GFRA1: variants seen among roughly 807,000 people sequenced by gnomAD.
GFRA1 encodes the protein GDNF family receptor alpha-1.
GFRA1 carries 16 observed loss-of-function variants against 51.6 expected under a neutral mutation model. That is an observed-to-expected ratio of 0.31 (90% CI 0.21 to 0.47). The LOEUF is 0.47. Among genes scored for constraint, GFRA1 ranks in the 20% least tolerant of loss-of-function variants. The pLI, the probability that GFRA1 is intolerant of heterozygous loss-of-function variation, is 1.00. For missense variants in GFRA1, 530 were observed against 594.3 expected, an observed-to-expected ratio of 0.89 and a Z score of 1.13; for synonymous variants, 270 against 241.3, an observed-to-expected ratio of 1.12 and a Z score of -1.10.
chr10:116,165,924 T>A (rs1960349878), intron 5 of GFRA1, among the ~76,000 whole-genome samples: 1 of 152,204 alleles, frequency 6.6e-6, no homozygotes, highest in Non-Finnish European at 1.5e-5. Context: ...CATTGGTTAT[T>A]TTTTCTGATC....
chr10:116,100,528 T>C (rs1956778224), intron 6 of GFRA1, among the ~76,000 whole-genome samples: 1 of 152,082 alleles, frequency 6.6e-6, no homozygotes, highest in Non-Finnish European at 1.5e-5. Flanking sequence ...AAATGAGTAG[T>C]GATGGGAAAA....
intron 6 of GFRA1, among the ~76,000 whole-genome samples, chr10:116,117,195 G>C (rs1957445009): frequency 6.6e-6 from 1 of 152,176 alleles, no homozygotes; most frequent in African/African-American, 2.4e-5. Context: ...CCTCAGCAGT[G>C]ATCATCATCA....
chr10:116,113,957 T>C (rs531807873), intron 6 of GFRA1, among the ~76,000 whole-genome samples: 4 of 152,254 alleles, frequency 2.6e-5, no homozygotes, highest in Non-Finnish European at 5.9e-5. Flanking sequence ...CCTACAACCA[T>C]GTCCCCGGCT....
chr10:116,255,518 A>C (rs1042268709), intron 4 of GFRA1: 112 of 1,033,318 alleles, frequency 1.1e-4, no homozygotes, highest in East Asian at 1.4e-4. Context: ...AAAAAAAAAA[A>C]CACTAGGTTT....
At chr10:116,120,925 G>A (rs996899190) in intron 6 of GFRA1, among the ~76,000 whole-genome samples, 1 of 152,214 alleles carries the variant, frequency 6.6e-6, no homozygotes, top group Non-Finnish European at 1.5e-5. Flanking sequence ...AAAGCTACCG[G>A]CAAGCGGGCG....
intron 5 of GFRA1, among the ~76,000 whole-genome samples, chr10:116,144,801 G>C (rs57092516): frequency 0.014 from 2,078 of 152,144 alleles, 40 homozygotes; most frequent in African/African-American, 0.048. Context: ...TTTTAAACAA[G>C]ACATATAATA....
chr10:116,081,650 G>A (rs148409146), intron 9 of GFRA1, among the ~76,000 whole-genome samples: 160 of 152,226 alleles, frequency 1.1e-3, no homozygotes, highest in Non-Finnish European at 2.0e-3. Context: ...GAGGCACTGC[G>A]TATGCATTTG....
chr10:116,090,280 G>A (rs1956277520), intron 8 of GFRA1, among the ~76,000 whole-genome samples: 1 of 151,794 alleles, frequency 6.6e-6, no homozygotes, highest in Non-Finnish European at 1.5e-5. Flanking sequence ...GATCATAACT[G>A]TCCCATTTTC....
intron 5 of GFRA1, among the ~76,000 whole-genome samples, chr10:116,195,878 T>A (rs1963698666): frequency 6.6e-6 from 1 of 152,108 alleles, no homozygotes; most frequent in African/African-American, 2.4e-5. Context: ...TGATTTGGGG[T>A]GGGTTACTAA....
chr10:116,149,747 T>G (rs1958987600), intron 5 of GFRA1, among the ~76,000 whole-genome samples: 1 of 152,186 alleles, frequency 6.6e-6, no homozygotes. Flanking sequence ...ACATTTTAGT[T>G]ATATAAAAAC....
chr10:116,220,094 T>C (rs1965824019), intron 4 of GFRA1, among the ~76,000 whole-genome samples: 1 of 152,196 alleles, frequency 6.6e-6, no homozygotes, highest in Admixed American at 6.5e-5. Context: ...GCATGCTAAA[T>C]TACATTCACA....
intron 4 of GFRA1, chr10:116,255,676 TC>T: frequency 7.8e-7 from 1 of 1,289,010 alleles, no homozygotes. Flanking sequence ...GTCTCTGCCA[TC>T]CCCTTCCAGA....
rs143717098 is a variant in GFRA1 at position 116,167,285 on chromosome 10, A to G, written c.434-41728T>C. The stretch of plus-strand genomic sequence containing the variant: ...ATTCAAACTTATCCTCCCATCGCCA[A>G]TGATTTAAATCCCACCCAGCATTGC... On this transcript the variant is annotated intron_variant, in intron 5 of 10. Transcript: ENST00000355422. 4.9e-3 allele frequency among the ~76,000 whole-genome samples: 739 copies of G among 152,228 alleles called. 3 individuals carry two copies. The highest frequency in any genetic ancestry group is 8.5e-3 in the Non-Finnish European group (575 of 68,018).
At position 116,058,041 on chromosome 10, in the gene GFRA1, T is replaced by TGTGTCAGAGA. The variant is rs557175351; in HGVS notation, c.*6356_*6357insTCTCTGACAC. The TGTGTCAGAGA allele has an allele frequency of 9.2e-6, 1 of 108,444 alleles. No individual in the cohort carries two copies. The highest frequency in any genetic ancestry group is 3.8e-5 in the African/African-American group (1 of 26,588). 6.7% of individuals were successfully genotyped at this position (108,444 alleles called of 1,614,324 possible). ...GTGTGTGTGTGTGTGTGTGTGTGTG[T>TGTGTCAGAGA]GACAGAGAGAACCACGCTTTATTGG... On this transcript the variant is annotated 3_prime_UTR_variant, in exon 11 of 11. Transcript: ENST00000355422.
In GFRA1 at chr10:116,200,660, T is replaced by C. The variant is rs556058607; in HGVS notation, c.433+10971A>G. Among the ~76,000 whole-genome samples the C allele has an allele frequency of 2.1e-4, 32 of 152,316 alleles. No homozygotes were observed. The South Asian group carries it at 6.6e-3, about 32-fold the overall frequency. On this transcript the variant is annotated intron_variant, in intron 5 of 10. Transcript: ENST00000355422. ...GAGGACTCTCTTCCTGGCTTGCAGATGGAGGCTTTCTTCCTGTGTCCTCAC... is the reference window on the plus strand; with the variant it reads ...GAGGACTCTCTTCCTGGCTTGCAGACGGAGGCTTTCTTCCTGTGTCCTCAC...
At chr10:116,164,079 G>T (rs1364539777) in intron 5 of GFRA1, among the ~76,000 whole-genome samples, 1 of 152,146 alleles carries the variant, frequency 6.6e-6, no homozygotes, top group African/African-American at 2.4e-5. Flanking sequence ...ACCAGCAAAG[G>T]ACGGCCACTC....
chr10:116,137,676 G>A (rs1479868061), intron 5 of GFRA1, among the ~76,000 whole-genome samples: 7 of 152,152 alleles, frequency 4.6e-5, no homozygotes, highest in Non-Finnish European at 4.4e-5. Context: ...CAAAAGCTTG[G>A]CCAGTTTGTG....
rs2133723013 is a variant in GFRA1, at chr10:116,057,966, CT to C, written c.*6431del. ...TGCTTGGCACACCAGGAAGCTAATG[CT>C]GGATCATATAGCCCTCCAATCATTG... On this transcript the variant is annotated 3_prime_UTR_variant, in exon 11 of 11. Transcript: ENST00000355422. 6.7e-6 allele frequency: 1 copy of C among 149,828 alleles called. No homozygotes were observed. Among genetic ancestry groups the C allele is most frequent in the African/African-American group, 2.5e-5 (1 of 40,640 alleles). 9.3% of individuals were successfully genotyped at this position (149,828 alleles called of 1,614,324 possible). A position where few individuals can be genotyped will look rare whatever the true frequency, so the allele number is the denominator to read the frequency against.
intron 4 of GFRA1, among the ~76,000 whole-genome samples, chr10:116,245,284 A>G (rs1387316306): frequency 6.6e-6 from 1 of 152,226 alleles, no homozygotes; most frequent in Non-Finnish European, 1.5e-5. Context: ...CATCTCACCA[A>G]AGAAGATACA....
Sources: allele counts gnomAD v4.1 joint callset (sites outside exome capture counted in the v4.1 genomes callset), GRCh38; gene constraint gnomAD v4.1.1; transcripts MANE v1.5; gene names NCBI Gene and HGNC (gene_info 2026-07-23, HGNC 2026-07-21).